SLTM: variants seen among roughly 807,000 people sequenced by gnomAD.
SLTM encodes SAFB like transcription modulator.
In SLTM, 43 loss-of-function variants were observed where a neutral mutation model predicts 134.6. The ratio of observed to expected loss-of-function variants is 0.32; its 90% confidence interval spans 0.25 to 0.41. SLTM has a LOEUF of 0.41. Ranked by LOEUF, SLTM falls within the 10% of genes least tolerant of loss-of-function variation. The probability of loss-of-function intolerance (pLI) is 1.00; values close to 1 mark genes in which losing one functional copy is unlikely to be tolerated. For missense variants in SLTM, 1,055 were observed against 1,288.8 expected (o/e 0.82, Z 2.78); for synonymous variants, 424 against 432.3 (o/e 0.98, Z 0.24).
At chr15:58,926,059 C>G (rs1567162895) in intron 2 of SLTM, among the ~76,000 whole-genome samples, 1 of 152,118 alleles carries the variant, frequency 6.6e-6, no homozygotes, top group Non-Finnish European at 1.5e-5. Context: ...TAAGAATCAC[C>G]TGGGGAGCTT....
intron 2 of SLTM, among the ~76,000 whole-genome samples, chr15:58,930,501 T>A (rs11853076): frequency 0.39 from 59,680 of 151,484 alleles, 15,073 homozygotes; most frequent in Middle Eastern, 0.6. Flanking sequence ...AAAGTTCAAG[T>A]ATAACCCATA....
At position 58,893,264 on chromosome 15, in the gene SLTM, T is replaced by TG. The variant is rs778914733; in HGVS notation, c.1734+14dup. ...CAGCTGAAGTAGTATACAACCATCC[T>TG]GATCAGAGACTTACTTTCTCATATC... On this transcript the variant is annotated intron_variant, in intron 13 of 20. Coordinates refer to ENST00000380516, the MANE Select transcript of SLTM (RefSeq NM_024755.4). 43 of 1,590,996 alleles carry TG rather than the reference T, an allele frequency of 2.7e-5. No individual in the cohort carries two copies. The highest frequency in any genetic ancestry group is 4.0e-5 in the African/African-American group (3 of 74,280).
At chr15:58,897,915 T>C (rs2035211167) in intron 8 of SLTM, 1 of 152,138 alleles carries the variant, frequency 6.6e-6, no homozygotes, top group Non-Finnish European at 1.5e-5. Flanking sequence ...ATAGAGGCCA[T>C]ATCTTAGGAT....
At chr15:58,895,034 G>A (rs976009387) in intron 9 of SLTM, among the ~76,000 whole-genome samples, 6 of 152,162 alleles carry the variant, frequency 3.9e-5, no homozygotes, top group South Asian at 2.1e-4. Flanking sequence ...CACCATCTAC[G>A]TTACCCATCT....
At chr15:58,895,234 AG>A (rs1256991362) in intron 9 of SLTM, among the ~76,000 whole-genome samples, 59 of 152,336 alleles carry the variant, frequency 3.9e-4, no homozygotes, top group African/African-American at 1.2e-3. Flanking sequence ...ATGTCTTTAG[AG>A]AAAGTTTCTA....
intron 8 of SLTM, 70 bp downstream of exon 8, chr15:58,898,733 C>T (rs1390670955): frequency 4.2e-6 from 5 of 1,185,732 alleles, no homozygotes; most frequent in South Asian, 2.6e-5. Context: ...GAAAACACCG[C>T]GCAACTACTA....
At chr15:58,900,015 C>G (rs2141029113) in intron 6 of SLTM, 78 bp from the exon 7 acceptor site, 1 of 1,130,262 alleles carries the variant, frequency 8.8e-7, no homozygotes, top group Non-Finnish European at 1.2e-6. Flanking sequence ...AGAATAGGAC[C>G]TAGAAAATAT....
intron 2 of SLTM, among the ~76,000 whole-genome samples, chr15:58,920,654 TAAA>T (rs2036972012): frequency 6.8e-6 from 1 of 147,808 alleles, no homozygotes; most frequent in South Asian, 2.1e-4. Flanking sequence ...AATAAATAAA[TAAA>T]TAAATAAAAA....
At chr15:58,913,471 CAT>C in intron 4 of SLTM, 26 bp downstream of exon 4, 1 of 1,542,096 alleles carries the variant, frequency 6.5e-7, no homozygotes, top group Non-Finnish European at 8.8e-7. Flanking sequence ...TTATCTGTGT[CAT>C]GTTTTAAAAA....
chr15:58,933,488 C>G lies in SLTM; in HGVS notation c.78G>C (p.Arg26=), dbSNP rs1212827499. ...TCAGCTCGGACTTCAGATCGATGAC[C>G]CGCAGATCGGTGATCTTTTTACCTT... ...QAEGKKITDL[R]VIDLKSELKR... Residue 26 remains arginine, a synonymous_variant, in exon 1 of 21, where the codon CGG becomes CGC. Coordinates refer to ENST00000380516, the MANE Select transcript of SLTM (RefSeq NM_024755.4). 1 of 1,599,794 alleles carries G rather than the reference C, an allele frequency of 6.3e-7. No individual in the cohort carries two copies. The highest frequency in any genetic ancestry group is 1.7e-5 in the Admixed American group (1 of 58,080).
intron 5 of SLTM, among the ~76,000 whole-genome samples, chr15:58,906,339 TATGAAG>T (rs1201141107): frequency 6.6e-6 from 1 of 152,226 alleles, no homozygotes; most frequent in African/African-American, 2.4e-5. Flanking sequence ...AAATTTCACA[TATGAAG>T]ATGAAGCAAA....
intron 3 of SLTM, 163 bp downstream of exon 3, chr15:58,916,770 TGA>T (rs750403642): frequency 1.9e-6 from 1 of 521,608 alleles, no homozygotes; most frequent in East Asian, 3.3e-5. Flanking sequence ...TTCTCAATTA[TGA>T]GAGTTAATGA....
intron 9 of SLTM, among the ~76,000 whole-genome samples, chr15:58,895,640 C>T (rs768286013): frequency 5.4e-4 from 82 of 152,258 alleles, no homozygotes; most frequent in Non-Finnish European, 9.4e-4. Context: ...TTTAACTCCA[C>T]GGGTCTTCTT....
chr15:58,915,036 C>G (rs548068898), intron 3 of SLTM, among the ~76,000 whole-genome samples: 2 of 151,940 alleles, frequency 1.3e-5, no homozygotes, highest in Non-Finnish European at 2.9e-5. Flanking sequence ...TACTAAAATA[C>G]GAAAATTAGC....
At chr15:58,894,701 T>C in intron 9 of SLTM, 119 bp from the exon 10 acceptor site, 1 of 765,906 alleles carries the variant, frequency 1.3e-6, no homozygotes, top group Non-Finnish European at 2.0e-6. Context: ...TTATTCTGTC[T>C]CATGTTTTTT....
chr15:58,924,983 C>T (rs1363012414), intron 2 of SLTM, among the ~76,000 whole-genome samples: 1 of 150,914 alleles, frequency 6.6e-6, no homozygotes, highest in Non-Finnish European at 1.5e-5. Flanking sequence ...CTGCTCCCAG[C>T]CTAAGGAAAT....
At chr15:58,913,219 T>C (rs938207999) in intron 4 of SLTM, among the ~76,000 whole-genome samples, 59 of 152,252 alleles carry the variant, frequency 3.9e-4, no homozygotes, top group African/African-American at 1.2e-3. Flanking sequence ...GAAAGCAGTC[T>C]AATAAATTAT....
intron 19 of SLTM, among the ~76,000 whole-genome samples, chr15:58,884,723 T>C (rs2034041123): frequency 6.6e-6 from 1 of 152,072 alleles, no homozygotes; most frequent in African/African-American, 2.4e-5. Context: ...TTTGAACTCC[T>C]GGGGCTCAAG....
At chr15:58,884,485 A>C (rs1358395273) in intron 19 of SLTM, among the ~76,000 whole-genome samples, 1 of 151,690 alleles carries the variant, frequency 6.6e-6, no homozygotes, top group African/African-American at 2.4e-5. Context: ...CGCCCAGCTA[A>C]TTTTTGTATT....
Sources: gnomAD v4.1 joint callset for allele counts (sites outside exome capture counted in the v4.1 genomes callset) on GRCh38, gnomAD v4.1.1 for gene constraint, MANE v1.5 for transcripts, NCBI Gene and HGNC (gene_info 2026-07-23, HGNC 2026-07-21) for gene names.